Variants in LRRC4C observed in about 807,000 individuals in gnomAD.
LRRC4C encodes leucine-rich repeat-containing protein 4C.
A neutral mutation model predicts 33.6 loss-of-function variants in LRRC4C; 5 were observed. That is an observed-to-expected ratio of 0.15 (90% confidence interval 0.08 to 0.31). The LOEUF (loss-of-function observed/expected upper bound fraction) is 0.31, where lower values mean the gene tolerates loss of function less well. Among genes scored for constraint, LRRC4C ranks in the 10% least tolerant of loss-of-function variants. The pLI is 1.00. For synonymous variants in LRRC4C, 329 were observed against 302.0 expected, an observed-to-expected ratio of 1.09 and a Z score of -0.93; for missense variants, 560 against 796.7, an observed-to-expected ratio of 0.70 and a Z score of 3.58.
intron 2 of LRRC4C, among the ~76,000 whole-genome samples, chr11:40,756,811 A>C (rs765311253): frequency 1.3e-5 from 2 of 152,074 alleles, no homozygotes; most frequent in Non-Finnish European, 2.9e-5. Context: ...TAACTATTTG[A>C]AAACCAATGG....
At chr11:40,707,320 C>T (rs1341041945) in intron 2 of LRRC4C, among the ~76,000 whole-genome samples, 2 of 152,098 alleles carry the variant, frequency 1.3e-5, no homozygotes, top group South Asian at 2.1e-4. Context: ...CAGTTTTTGC[C>T]CATTCAGTAT....
chr11:40,304,975 C>A (rs1944957998), intron 4 of LRRC4C, among the ~76,000 whole-genome samples: 1 of 152,098 alleles, frequency 6.6e-6, no homozygotes, highest in Non-Finnish European at 1.5e-5. Context: ...CGTGTTTAGC[C>A]AGGATGGTCT....
chr11:40,745,192 A>T (rs1274730550), intron 2 of LRRC4C, among the ~76,000 whole-genome samples: 1 of 152,150 alleles, frequency 6.6e-6, no homozygotes, highest in Non-Finnish European at 1.5e-5. Flanking sequence ...CACACCACGG[A>T]TTATTCTTTT....
intron 1 of LRRC4C, among the ~76,000 whole-genome samples, chr11:41,406,545 C>T (rs1327520352): frequency 6.6e-6 from 1 of 151,932 alleles, no homozygotes; most frequent in Admixed American, 6.6e-5. Flanking sequence ...AGAATTTCCA[C>T]CTCCTTCTCA....
intron 3 of LRRC4C, among the ~76,000 whole-genome samples, chr11:40,579,006 C>T (rs993526504): frequency 3.3e-5 from 5 of 152,186 alleles, no homozygotes; most frequent in African/African-American, 1.2e-4. Flanking sequence ...TTGGGATTCA[C>T]TGACTTTGTT....
At chr11:40,144,832 T>A (rs1361986942) in intron 5 of LRRC4C, among the ~76,000 whole-genome samples, 1 of 152,238 alleles carries the variant, frequency 6.6e-6, no homozygotes, top group Non-Finnish European at 1.5e-5. Context: ...CATGGTCTTT[T>A]AACACAAGGT....
At chr11:40,734,416 C>A (rs1305556677) in intron 2 of LRRC4C, among the ~76,000 whole-genome samples, 3 of 152,136 alleles carry the variant, frequency 2.0e-5, no homozygotes, top group African/African-American at 4.8e-5. Context: ...CCTAACCAAA[C>A]CCGATCCAGA....
chr11:41,393,253 C>A (rs1318475302), intron 1 of LRRC4C, among the ~76,000 whole-genome samples: 1 of 151,814 alleles, frequency 6.6e-6, no homozygotes, highest in African/African-American at 2.4e-5. Flanking sequence ...GGAGAAGAGG[C>A]AAAAACTGTT....
At chr11:40,660,007 C>T (rs1565609346) in intron 2 of LRRC4C, among the ~76,000 whole-genome samples, 1 of 152,344 alleles carries the variant, frequency 6.6e-6, no homozygotes, top group East Asian at 1.9e-4. Context: ...CTAGGGGCTC[C>T]CTGAGCCAGG....
At chr11:41,302,216 A>T (rs2137084768) in intron 1 of LRRC4C, among the ~76,000 whole-genome samples, 1 of 152,328 alleles carries the variant, frequency 6.6e-6, no homozygotes, top group South Asian at 2.1e-4. Context: ...TTATAACAGA[A>T]ATTGACTATC....
At chr11:40,436,110 T>G (rs948871137) in intron 3 of LRRC4C, among the ~76,000 whole-genome samples, 1 of 152,232 alleles carries the variant, frequency 6.6e-6, no homozygotes, top group South Asian at 2.1e-4. Context: ...CTGTGGAATA[T>G]CTGTAGGTCA....
intron 3 of LRRC4C, among the ~76,000 whole-genome samples, chr11:40,598,914 G>A (rs1462670103): frequency 6.6e-6 from 1 of 152,184 alleles, no homozygotes; most frequent in Non-Finnish European, 1.5e-5. Context: ...TTAGCACTGT[G>A]TCTGCTCCAG....
chr11:41,413,034 CTT>C (rs149244671), intron 1 of LRRC4C, among the ~76,000 whole-genome samples: 1 of 151,770 alleles, frequency 6.6e-6, no homozygotes, highest in African/African-American at 2.4e-5. Context: ...ATTTTTCTTA[CTT>C]TTTTTTCTTT....
intron 1 of LRRC4C, among the ~76,000 whole-genome samples, chr11:41,269,463 T>C (rs1949253699): frequency 1.3e-5 from 2 of 152,038 alleles, no homozygotes; most frequent in South Asian, 2.1e-4. Context: ...GACCAGTTTA[T>C]TAAAACTTGA....
chr11:40,629,058 C>G (rs1963231270), intron 3 of LRRC4C, among the ~76,000 whole-genome samples: 1 of 152,068 alleles, frequency 6.6e-6, no homozygotes, highest in Admixed American at 6.6e-5. Context: ...AAACATTTGA[C>G]TAATTCACAA....
intron 2 of LRRC4C, among the ~76,000 whole-genome samples, chr11:40,724,635 C>T (rs973824420): frequency 1.3e-5 from 2 of 151,954 alleles, no homozygotes; most frequent in Non-Finnish European, 2.9e-5. Flanking sequence ...TTTGTAACAC[C>T]AAATACCTAC....
At chr11:41,197,114 C>T (rs888098847) in intron 1 of LRRC4C, among the ~76,000 whole-genome samples, 1 of 152,070 alleles carries the variant, frequency 6.6e-6, no homozygotes, top group African/African-American at 2.4e-5. Flanking sequence ...AAACAAGTTA[C>T]AGCTACACTT....
chr11:40,985,075 A>C (rs1018746811), intron 1 of LRRC4C, among the ~76,000 whole-genome samples: 2 of 151,534 alleles, frequency 1.3e-5, no homozygotes, highest in Admixed American at 1.3e-4. Flanking sequence ...CTTTTGAAGG[A>C]GAGAAGAGCA....
intron 1 of LRRC4C, among the ~76,000 whole-genome samples, chr11:41,274,187 A>C (rs1481059866): frequency 2.0e-5 from 3 of 152,108 alleles, no homozygotes; most frequent in Non-Finnish European, 4.4e-5. Flanking sequence ...CAGGCTTAGA[A>C]CATATAGGGC....
Sources: gnomAD v4.1 joint callset for allele counts (sites outside exome capture counted in the v4.1 genomes callset) on GRCh38, gnomAD v4.1.1 for gene constraint, MANE v1.5 for transcripts, NCBI Gene and HGNC (gene_info 2026-07-23, HGNC 2026-07-21) for gene names.